The following PKP1 variants were observed in gnomAD, a reference collection of about 807,000 sequenced individuals.
PKP1 encodes plakophilin-1.
A neutral mutation model predicts 76.4 loss-of-function variants in PKP1; 27 were observed. The ratio of observed to expected loss-of-function variants is 0.35; its 90% CI spans 0.26 to 0.49. The LOEUF (loss-of-function observed/expected upper bound fraction) is 0.49, where lower values mean the gene tolerates loss of function less well. PKP1 is among the 20% of genes least tolerant of loss of function. The pLI, the probability that PKP1 is intolerant of heterozygous loss-of-function variation, is 0.99. For synonymous variants in PKP1, 404 were observed against 384.2 expected (o/e 1.05, Z -0.60); for missense variants, 964 against 955.2 (o/e 1.01, Z -0.12).
intron 2 of PKP1, 98 bp from the exon 3 acceptor site, chr1:201,313,068 T>C (rs1656608014): frequency 3.9e-6 from 5 of 1,265,836 alleles, no homozygotes; most frequent in Non-Finnish European, 5.6e-6. Context: ...CTGTAAGCGT[T>C]ATTATGGGGG....
chr1:201,309,383 G>A (rs964435063), intron 2 of PKP1, among the ~76,000 whole-genome samples: 34 of 152,182 alleles, frequency 2.2e-4, no homozygotes, highest in African/African-American at 7.9e-4. Context: ...CGGGCTGTGG[G>A]ACCCCTCAAA....
At chr1:201,317,930 G>C (rs1656813443) in intron 5 of PKP1, 151 bp downstream of exon 5, 9 of 804,038 alleles carry the variant, frequency 1.1e-5, no homozygotes, top group South Asian at 5.8e-5. Flanking sequence ...AGAGTTTAGT[G>C]ACACTGGCCT....
At chr1:201,321,586 G>C (rs1325735326) in intron 7 of PKP1, among the ~76,000 whole-genome samples, 1 of 151,960 alleles carries the variant, frequency 6.6e-6, no homozygotes, top group Non-Finnish European at 1.5e-5. Flanking sequence ...AAAAAAAAAA[G>C]ACACATTCTT....
At chr1:201,319,790 CA>C in intron 6 of PKP1, 1 of 1,613,134 alleles carries the variant, frequency 6.2e-7, no homozygotes, top group Non-Finnish European at 8.5e-7. Flanking sequence ...GATCCAGCAT[CA>C]ACAGGGCTTC....
intron 12 of PKP1, among the ~76,000 whole-genome samples, chr1:201,326,844 T>C (rs1657140853): frequency 6.6e-6 from 1 of 152,184 alleles, no homozygotes; most frequent in South Asian, 2.1e-4. Context: ...ATGAAGACCA[T>C]CTGCTGGGGA....
chr1:201,283,651 C>A lies in PKP1; in HGVS notation c.-52C>A. 2.0e-6 allele frequency: 3 copies of A among 1,507,432 alleles called. No homozygotes were observed. The highest frequency in any genetic ancestry group is 2.7e-6 in the Non-Finnish European group (3 of 1,093,902). 93.4% of individuals were successfully genotyped at this position (1,507,432 alleles called of 1,614,324 possible). On this transcript the variant is annotated 5_prime_UTR_variant, in exon 1 of 14. Transcript: ENST00000367324. ...CCGCCCGCTGCACCGCACCTCGCCT[C>A]GCCTCTCTGCTCTCCTAGGCCCCGG...
intron 2 of PKP1, among the ~76,000 whole-genome samples, chr1:201,302,868 C>T (rs1360212214): frequency 2.0e-5 from 3 of 152,194 alleles, no homozygotes; most frequent in Admixed American, 2.0e-4. Flanking sequence ...GCCGAACTGC[C>T]GAACTGCCTT....
chr1:201,285,455 T>C (rs1655705513), intron 1 of PKP1, among the ~76,000 whole-genome samples: 2 of 152,178 alleles, frequency 1.3e-5, no homozygotes, highest in South Asian at 4.1e-4. Flanking sequence ...TCTCGTCACA[T>C]TTCCACTCAA....
chr1:201,320,828 A>C (rs1054554896), intron 7 of PKP1, among the ~76,000 whole-genome samples: 8 of 152,138 alleles, frequency 5.3e-5, no homozygotes, highest in African/African-American at 1.9e-4. Context: ...AGCCCAGAGG[A>C]ATCCATACTG....
intron 1 of PKP1, among the ~76,000 whole-genome samples, chr1:201,290,069 T>C (rs1211655120): frequency 6.6e-6 from 1 of 152,078 alleles, no homozygotes; most frequent in Admixed American, 6.5e-5. Context: ...GCGAGAAAGC[T>C]TGAGTTGCAC....
Position 201,328,819 on chromosome 1 carries a change from T to C in PKP1, c.2164T>C (p.Phe722Leu), listed in dbSNP as rs1347326771. The change falls in exon 13 of 14, where the codon TTC (phenylalanine) becomes CTC (leucine). Residue 722 changes from phenylalanine to leucine, a missense_variant. Phe to Leu is a conservative substitution (Grantham distance 22, BLOSUM62 0). Transcript: ENST00000367324. ...AGCTGGGGCCAACAGCCTCAGGAAC[T>C]TCACCTCCCGATTCTAAGAAGAGAC... ...TLAGANSLRN[F>L]TSRF is the part of the protein sequence containing the mutation. 1 of 1,613,998 alleles carries C rather than the reference T, an allele frequency of 6.2e-7. No individual in the cohort carries two copies. Among genetic ancestry groups the C allele is most frequent in the Non-Finnish European group, 8.5e-7 (1 of 1,179,858 alleles).
chr1:201,286,965 G>A (rs922486773), intron 1 of PKP1, among the ~76,000 whole-genome samples: 4 of 152,148 alleles, frequency 2.6e-5, no homozygotes, highest in South Asian at 4.2e-4. Context: ...TAACCCAAGC[G>A]CTCCCCCGCC....
rs945334092 is a variant in PKP1, at chr1:201,313,461, T to C, written c.602T>C (p.Val201Ala). The C allele has an allele frequency of 1.2e-6, 2 of 1,611,304 alleles. No homozygotes were observed. Among genetic ancestry groups the C allele is most frequent in the African/African-American group, 2.7e-5 (2 of 74,866 alleles). ...SGQKAIKKCPVRPPSCASKQD... is the reference protein window; with the variant it reads ...SGQKAIKKCPARPPSCASKQD... ...CAGAAGGCCATAAAGAAGTGCCCTG[T>C]GCGCCCGCCCTCTTGTGCCTCCAAG... The change falls in exon 3 of 14, where the codon GTG (valine) becomes GCG (alanine). Residue 201 changes from valine (V) to alanine (A), a missense_variant. By Grantham distance (64) the Val-to-Ala change is moderately conservative (BLOSUM62 0). Transcript: ENST00000367324.
intron 3 of PKP1, 85 bp from the exon 4 acceptor site, chr1:201,316,468 C>A: frequency 7.0e-7 from 1 of 1,420,284 alleles, no homozygotes; most frequent in Non-Finnish European, 9.6e-7. Context: ...GCTGTGGCAG[C>A]TTAGTGTGCT....
intron 2 of PKP1, among the ~76,000 whole-genome samples, chr1:201,302,272 T>TTGCC (rs1365452149): frequency 1.3e-5 from 2 of 152,086 alleles, no homozygotes; most frequent in Non-Finnish European, 2.9e-5. Flanking sequence ...GTGTAGGGGC[T>TTGCC]TGCCTGTGAC....
In PKP1 at chr1:201,330,867, G is replaced by C. The variant is rs1657300900; in HGVS notation, c.*826G>C. ...GAAAGATGGTGCCTTCCACCCTCTTGGGCTGTGTGCCCATCAGAGCAGGCT... is the reference window on the plus strand; with the variant it reads ...GAAAGATGGTGCCTTCCACCCTCTTCGGCTGTGTGCCCATCAGAGCAGGCT... On this transcript the variant is annotated 3_prime_UTR_variant, in exon 14 of 14. Coordinates refer to ENST00000367324, the MANE Select transcript of PKP1 (RefSeq NM_001005337.3). The C allele has an allele frequency of 6.6e-6, 1 of 152,286 alleles. No homozygotes were observed. The highest frequency in any genetic ancestry group is 2.4e-5 in the African/African-American group (1 of 41,468). The allele number at this position is 152,286 out of a possible 1,614,324, so 9.4% of individuals were successfully genotyped here.
In PKP1 at chr1:201,326,798, T is replaced by G. The variant is rs144469847; in HGVS notation, c.2106+960T>G. ...ACAGGCAAGACCACCATGGGTTGCA[T>G]GTGTATGGAAAAGTCTTGAAGGACA... On this transcript the variant is annotated intron_variant, in intron 12 of 13. Transcript: ENST00000367324. Among the ~76,000 whole-genome samples the G allele has an allele frequency of 2.4e-3, 363 of 152,236 alleles. 2 individuals are homozygous for G. The highest frequency in any genetic ancestry group is 4.6e-3 in the Non-Finnish European group (314 of 68,020).
chr1:201,325,786 T>G lies in PKP1; in HGVS notation c.2054T>G (p.Leu685Arg), dbSNP rs780885568. 1 of 1,614,112 alleles carries G rather than the reference T, an allele frequency of 6.2e-7. No individual in the cohort carries two copies. Among genetic ancestry groups the G allele is most frequent in the South Asian group, 1.1e-5 (1 of 91,082 alleles). Residue 685 changes from leucine (L) to arginine (R), a missense_variant, in exon 12 of 14, where the codon CTT (leucine) becomes CGT (arginine). Physicochemically the swap from Leu to Arg is moderately radical, Grantham distance 102. Coordinates refer to ENST00000367324, the MANE Select transcript of PKP1 (RefSeq NM_001005337.3). ...CCCAAGGCCGCAGAAGCTGCCCGGC[T>G]TCTCCTGTCTGACATGTGGTCCAGC... ...ASPKAAEAAR[L>R]LLSDMWSSKE...
chr1:201,313,217 T>A lies in PKP1; in HGVS notation c.358T>A (p.Tyr120Asn). The change falls in exon 3 of 14, where the codon TAC becomes AAC. Residue 120 changes from tyrosine (Y) to asparagine (N), a missense_variant. Coordinates refer to ENST00000367324, the MANE Select transcript of PKP1 (RefSeq NM_001005337.3). ...GCCTGACAACAGGCGCTTCAGCTCC[T>A]ACAGCCAGATGGAGAACTGGAGCCG... Reference protein sequence around the residue: ...REPDNRRFSSYSQMENWSRHY... With the variant: ...REPDNRRFSSNSQMENWSRHY... 1.9e-6 allele frequency: 3 copies of A among 1,605,860 alleles called. No homozygotes were observed. Among genetic ancestry groups the A allele is most frequent in the Non-Finnish European group, 2.5e-6 (3 of 1,176,630 alleles).
Sources: allele counts gnomAD v4.1 joint callset (sites outside exome capture counted in the v4.1 genomes callset), GRCh38; gene constraint gnomAD v4.1.1; transcripts MANE v1.5; gene names NCBI Gene and HGNC (gene_info 2026-07-23, HGNC 2026-07-21).